The following RNF180 variants were observed in gnomAD, a reference collection of about 807,000 sequenced individuals.
RNF180 encodes the protein E3 ubiquitin-protein ligase RNF180.
Under a neutral mutation model 59.2 loss-of-function variants are expected in RNF180, and 38 were observed. The ratio of observed to expected loss-of-function variants is 0.64; its 90% CI spans 0.50 to 0.84. The LOEUF (loss-of-function observed/expected upper bound fraction) is 0.84. RNF180 is among the 40% of genes least tolerant of loss of function. The pLI is 0.00. For missense variants in RNF180, 705 were observed against 700.9 expected (o/e 1.01, Z -0.07); for synonymous variants, 262 against 240.3 (o/e 1.09, Z -0.84).
intron 1 of RNF180, among the ~76,000 whole-genome samples, chr5:64,168,629 TTGAA>T (rs1211638526): frequency 4.6e-5 from 7 of 152,308 alleles, no homozygotes; most frequent in African/African-American, 1.7e-4. Context: ...ATAGAGAAGT[TTGAA>T]TGTCACATAA....
chr5:64,358,337 A>G (rs1279239129), intron 7 of RNF180, among the ~76,000 whole-genome samples: 2 of 151,882 alleles, frequency 1.3e-5, no homozygotes, highest in African/African-American at 2.4e-5. Flanking sequence ...GTCAAGTCCC[A>G]TGGCCTTCGT....
At chr5:64,339,704 T>TCA (rs1462365425) in intron 7 of RNF180, among the ~76,000 whole-genome samples, 2 of 151,878 alleles carry the variant, frequency 1.3e-5, no homozygotes, top group Non-Finnish European at 2.9e-5. Context: ...TTTTTTTTTT[T>TCA]CACACACACA....
chr5:64,243,096 A>G (rs1041416505), intron 5 of RNF180, among the ~76,000 whole-genome samples: 2 of 152,224 alleles, frequency 1.3e-5, no homozygotes, highest in Non-Finnish European at 2.9e-5. Flanking sequence ...CAACCTGTTG[A>G]CCAGGAGATT....
chr5:64,358,848 T>C (rs1387711036), intron 7 of RNF180, among the ~76,000 whole-genome samples: 1 of 145,078 alleles, frequency 6.9e-6, no homozygotes, highest in African/African-American at 2.6e-5. Flanking sequence ...TGTGATCTCA[T>C]TGTTCAGTTC....
At chr5:64,296,451 T>G (rs1742885260) in intron 5 of RNF180, among the ~76,000 whole-genome samples, 1 of 152,118 alleles carries the variant, frequency 6.6e-6, no homozygotes, top group Non-Finnish European at 1.5e-5. Context: ...TCCATCCAAA[T>G]GTTAAACAAG....
chr5:64,252,122 C>T (rs1743617572), intron 5 of RNF180, among the ~76,000 whole-genome samples: 1 of 152,190 alleles, frequency 6.6e-6, no homozygotes, highest in Admixed American at 6.5e-5. Context: ...TACCTTTCTT[C>T]AAAATATACT....
intron 5 of RNF180, among the ~76,000 whole-genome samples, chr5:64,277,594 CAG>C (rs1216400362): frequency 5.9e-5 from 9 of 151,994 alleles, no homozygotes; most frequent in Non-Finnish European, 1.2e-4. Context: ...ACAGGATTGA[CAG>C]GGGCTTGGCA....
intron 5 of RNF180, among the ~76,000 whole-genome samples, chr5:64,304,517 A>G (rs780119193): frequency 1.4e-4 from 21 of 151,768 alleles, no homozygotes; most frequent in East Asian, 9.7e-4. Context: ...TAGGGGTTCA[A>G]AACCTCAGTG....
chr5:64,337,900 T>C (rs1290231068), intron 7 of RNF180, among the ~76,000 whole-genome samples: 1 of 152,180 alleles, frequency 6.6e-6, no homozygotes, highest in African/African-American at 2.4e-5. Flanking sequence ...TAATCCAATC[T>C]ATCATTGTTG....
At chr5:64,236,908 C>A (rs1742476189) in intron 5 of RNF180, among the ~76,000 whole-genome samples, 1 of 152,180 alleles carries the variant, frequency 6.6e-6, no homozygotes, top group Non-Finnish European at 1.5e-5. Flanking sequence ...GCTTCGAGAA[C>A]CTCCACCTAG....
intron 7 of RNF180, among the ~76,000 whole-genome samples, chr5:64,365,305 AAT>A (rs1746404601): frequency 6.6e-6 from 1 of 151,576 alleles, no homozygotes; most frequent in African/African-American, 2.4e-5. Flanking sequence ...TTTCCATGTA[AAT>A]ATATAGTTTT....
chr5:64,278,817 G>A (rs979414690), intron 5 of RNF180, among the ~76,000 whole-genome samples: 1 of 152,070 alleles, frequency 6.6e-6, no homozygotes, highest in African/African-American at 2.4e-5. Flanking sequence ...GGGTCTCATT[G>A]TGTTGTTGCC....
intron 1 of RNF180, among the ~76,000 whole-genome samples, chr5:64,185,587 T>C (rs1336083278): frequency 6.6e-6 from 1 of 152,224 alleles, no homozygotes; most frequent in Non-Finnish European, 1.5e-5. Flanking sequence ...CTTAGGTGAA[T>C]TTAAATGAAA....
intron 5 of RNF180, among the ~76,000 whole-genome samples, chr5:64,270,596 T>C (rs1471762552): frequency 6.6e-6 from 1 of 152,152 alleles, no homozygotes; most frequent in Non-Finnish European, 1.5e-5. Flanking sequence ...TGCTGATAAG[T>C]ACATTGAGAC....
intron 5 of RNF180, among the ~76,000 whole-genome samples, chr5:64,316,937 C>T (rs948273909): frequency 6.6e-6 from 1 of 152,184 alleles, no homozygotes; most frequent in Non-Finnish European, 1.5e-5. Context: ...TACTCAATTC[C>T]TACAGTAGGC....
chr5:64,234,578 C>CTTTTTTTTTTTTTTTTTTTTTTTT lies in RNF180; in HGVS notation c.1227+17198_1227+17221dup, dbSNP rs1171637074. The stretch of plus-strand genomic sequence containing the variant: ...GCTTTCCAAATGGCAGTTACCCGTT[C>CTTTTTTTTTTTTTTTTTTTTTTTT]TTTTTTTTTTTTTTTTTTTTTTTTT... On this transcript the variant is annotated intron_variant, in intron 5 of 7. Transcript: ENST00000389100. 8.2e-5 allele frequency among the ~76,000 whole-genome samples: 4 copies of CTTTTTTTTTTTTTTTTTTTTTTTT among 48,500 alleles called. 2 individuals are homozygous for CTTTTTTTTTTTTTTTTTTTTTTTT. Among genetic ancestry groups the CTTTTTTTTTTTTTTTTTTTTTTTT allele is most frequent in the Non-Finnish European group, 1.5e-4 (4 of 26,118 alleles). 31.8% of individuals were successfully genotyped at this position (48,500 alleles called of 152,430 possible). A position where few individuals can be genotyped will look rare whatever the true frequency, so the allele number is the denominator to read the frequency against.
At position 64,248,582 on chromosome 5, in the gene RNF180, C is replaced by T. The variant is rs146467189; in HGVS notation, c.1227+31186C>T. On this transcript the variant is annotated intron_variant, in intron 5 of 7. Coordinates refer to ENST00000389100, the MANE Select transcript of RNF180 (RefSeq NM_001113561.2). Reference sequence around the variant, plus strand: ...TACCATCTCACACCAGTTAGAATGGCGATCATTAAAAAGTCAGGAATCAAC... The same window carrying T: ...TACCATCTCACACCAGTTAGAATGGTGATCATTAAAAAGTCAGGAATCAAC... 3.7e-3 allele frequency among the ~76,000 whole-genome samples: 567 copies of T among 152,158 alleles called. 2 individuals carry two copies. Among genetic ancestry groups the T allele is most frequent in the African/African-American group, 0.012 (513 of 41,514 alleles).
At chr5:64,361,007 G>T (rs1046900838) in intron 7 of RNF180, among the ~76,000 whole-genome samples, 2 of 151,512 alleles carry the variant, frequency 1.3e-5, no homozygotes, top group African/African-American at 4.8e-5. Flanking sequence ...TGTCTTCCGA[G>T]ACAGTTTGCT....
At chr5:64,347,808 G>A (rs1183584989) in intron 7 of RNF180, among the ~76,000 whole-genome samples, 1 of 152,094 alleles carries the variant, frequency 6.6e-6, no homozygotes, top group African/African-American at 2.4e-5. Context: ...ATTAACAAAA[G>A]CAGCTTCAAA....
Sources: gnomAD v4.1 joint callset for allele counts (sites outside exome capture counted in the v4.1 genomes callset) on GRCh38, gnomAD v4.1.1 for gene constraint, MANE v1.5 for transcripts, NCBI Gene and HGNC (gene_info 2026-07-23, HGNC 2026-07-21) for gene names.